Variants in HIC1 observed in about 807,000 individuals in gnomAD.
HIC1 encodes HIC ZBTB transcriptional repressor 1.
In HIC1, 9 loss-of-function variants were observed where a neutral mutation model predicts 26.4. That is an observed-to-expected ratio of 0.34 (90% confidence interval 0.21 to 0.59). The LOEUF (loss-of-function observed/expected upper bound fraction) is 0.59. Among genes scored for constraint, HIC1 ranks in the 20% least tolerant of loss-of-function variants. The pLI, the probability that HIC1 is intolerant of heterozygous loss-of-function variation, is 0.82. For synonymous variants in HIC1, 631 were observed against 523.1 expected, an observed-to-expected ratio of 1.21 and a Z score of -2.81; for missense variants, 965 against 1,075.7, an observed-to-expected ratio of 0.90 and a Z score of 1.44.
intron 1 of HIC1, chr17:2,056,161 G>A: frequency 1.7e-6 from 1 of 592,126 alleles, no homozygotes; most frequent in Non-Finnish European, 3.0e-6. Context: ...ACCGAGGGTT[G>A]ACAGCCCCCG....
rs1022129619 is a variant in HIC1 at position 2,061,345 on chromosome 17, G to A, written c.*2510G>A. On this transcript the variant is annotated 3_prime_UTR_variant, in exon 2 of 2. Transcript: ENST00000619757. The stretch of plus-strand genomic sequence containing the variant: ...CTCTGTGAGGAGCAGGTCCCCCACA[G>A]CATGGCCGTGGCGTGGGTTGGAAGA... The A allele has an allele frequency of 1.3e-6, 1 of 785,696 alleles. No individual in the cohort carries two copies. The highest frequency in any genetic ancestry group is 2.0e-6 in the Non-Finnish European group (1 of 502,792). The allele number at this position is 785,696 out of a possible 1,614,324, so 48.7% of individuals were successfully genotyped here. A position where few individuals can be genotyped will look rare whatever the true frequency, so the allele number is the denominator to read the frequency against.
At position 2,057,003 on chromosome 17, in the gene HIC1, C is replaced by T. The variant is rs1210076297; in HGVS notation, c.313C>T (p.Pro105Ser). The change falls in exon 2 of 2, where the codon CCG (proline) becomes TCG (serine). Residue 105 changes from proline to serine, a missense_variant. By Grantham distance (74) the Pro-to-Ser change is moderately conservative. Around this residue, in one of 6 missense-constraint regions of HIC1, gnomAD observed 526 missense variants for 525.0 expected, o/e 1.00. Coordinates refer to ENST00000619757, the MANE Select transcript of HIC1 (RefSeq NM_006497.4). ...AAAAVAPGAE[P>S]SLGAVLAAAS... ...CGCGGCCGTGGCCCCGGGGGCTGAG[C>T]CGAGCCTGGGCGCCGTGCTGGCCGC... 2 of 1,522,370 alleles carry T rather than the reference C, an allele frequency of 1.3e-6. No individual in the cohort carries two copies. Among genetic ancestry groups the T allele is most frequent in the African/African-American group, 2.9e-5 (2 of 69,232 alleles). The allele number at this position is 1,522,370 out of a possible 1,614,324, so 94.3% of individuals were successfully genotyped here.
intron 1 of HIC1, 50 bp from the exon 2 acceptor site, chr17:2,056,621 G>A: frequency 3.4e-6 from 5 of 1,470,620 alleles, no homozygotes; most frequent in East Asian, 5.0e-5. Context: ...CTGGGGCCAG[G>A]CGGCCAGGGC....
Position 2,058,869 on chromosome 17 carries a change from C to T in HIC1, c.*34C>T. 7.1e-7 allele frequency: 1 copy of T among 1,405,874 alleles called. No individual in the cohort carries two copies. 87.1% of individuals were successfully genotyped at this position (1,405,874 alleles called of 1,614,324 possible). ...TCGCCAGCCCGCTCTGTCGCTGCTG[C>T]GCGGCCCTGGCCCGCACCCCAGGGA... On this transcript the variant is annotated 3_prime_UTR_variant, in exon 2 of 2. Coordinates refer to ENST00000619757, the MANE Select transcript of HIC1 (RefSeq NM_006497.4).
At position 2,061,095 on chromosome 17, in the gene HIC1, G is replaced by A. The variant is rs544319778; in HGVS notation, c.*2260G>A. The A allele has an allele frequency of 6.7e-4, 117 of 175,640 alleles. 1 individual carries two copies. Among genetic ancestry groups the A allele is most frequent in the South Asian group, 3.3e-3 (27 of 8,162 alleles). The allele number at this position is 175,640 out of a possible 1,614,324, so 10.9% of individuals were successfully genotyped here. A position where few individuals can be genotyped will look rare whatever the true frequency, so the allele number is the denominator to read the frequency against. On this transcript the variant is annotated 3_prime_UTR_variant, in exon 2 of 2. Coordinates refer to ENST00000619757, the MANE Select transcript of HIC1 (RefSeq NM_006497.4). The stretch of plus-strand genomic sequence containing the variant: ...GAACTGTGATTTCACTGCATCTGAC[G>A]GAAACTCAGAACCCCTGCCCTGTCT...
chr17:2,059,558 T>TGGG lies in HIC1; in HGVS notation c.*724_*726dup, dbSNP rs2067716393. Reference sequence around the variant, plus strand: ...CCCCCATCCCGAGCCCAGGCTGGGCTGGGCTGGAACGCGGTCTCTTTAGCT... The same window carrying TGGG: ...CCCCCATCCCGAGCCCAGGCTGGGCTGGGGGGCTGGAACGCGGTCTCTTTAGCT... On this transcript the variant is annotated 3_prime_UTR_variant, in exon 2 of 2. Coordinates refer to ENST00000619757, the MANE Select transcript of HIC1 (RefSeq NM_006497.4). 6.0e-6 allele frequency: 1 copy of TGGG among 167,118 alleles called. No homozygotes were observed. Among genetic ancestry groups the TGGG allele is most frequent in the African/African-American group, 2.4e-5 (1 of 41,474 alleles). The allele number at this position is 167,118 out of a possible 1,614,324, so 10.4% of individuals were successfully genotyped here.
intron 1 of HIC1, chr17:2,056,331 A>G (rs755570032): frequency 1.2e-6 from 2 of 1,613,540 alleles, no homozygotes; most frequent in Admixed American, 1.7e-5. Context: ...TGAAGCGGAC[A>G]TTTTACTTAA....
intron 1 of HIC1, chr17:2,056,118 T>C: frequency 3.4e-6 from 1 of 294,226 alleles, no homozygotes; most frequent in Non-Finnish European, 6.2e-6. Context: ...AGCCGCTGCC[T>C]CCGCTCCCCG....
At position 2,057,845 on chromosome 17, in the gene HIC1, TAGC is replaced by T; in HGVS notation, c.1159_1161del (p.Ser387del). 8.2e-6 allele frequency: 13 copies of T among 1,583,804 alleles called. No homozygotes were observed. The highest frequency in any genetic ancestry group is 1.7e-4 in the Middle Eastern group (1 of 6,014). On this transcript the variant is annotated inframe_deletion, in exon 2 of 2. Transcript: ENST00000619757. ...ACAAGAGCAGCAGCGAGGAGACCGG[TAGC>T]AGCGAGGACCCCAGCCCGCCTGGCG...
At position 2,060,432 on chromosome 17, in the gene HIC1, T is replaced by A. The variant is rs2067739905; in HGVS notation, c.*1597T>A. ...GCTGGGCTGTCCACGCCTGGAAGTTTCTCCCAGCACAGGAGCCGAGGGTGG... is the reference window on the plus strand; with the variant it reads ...GCTGGGCTGTCCACGCCTGGAAGTTACTCCCAGCACAGGAGCCGAGGGTGG... On this transcript the variant is annotated 3_prime_UTR_variant, in exon 2 of 2. Transcript: ENST00000619757. 1 of 152,184 alleles carries A rather than the reference T, an allele frequency of 6.6e-6. No homozygotes were observed. 9.4% of individuals were successfully genotyped at this position (152,184 alleles called of 1,614,324 possible).
chr17:2,057,734 C>T lies in HIC1; in HGVS notation c.1044C>T (p.Pro348=), dbSNP rs2067686665. 2 of 1,397,768 alleles carry T rather than the reference C, an allele frequency of 1.4e-6. No homozygotes were observed. The highest frequency in any genetic ancestry group is 3.1e-5 in the East Asian group (1 of 32,110). 86.6% of individuals were successfully genotyped at this position (1,397,768 alleles called of 1,614,324 possible). ...EERGGDAAVS[P]GGPPLGLAPP... is the part of the protein sequence containing the mutation. Reference sequence around the variant, plus strand: ...GTGGTGGGGACGCGGCCGTCTCGCCCGGGGGGCCCCCGCTCGGCCTGGCGC... The same window carrying T: ...GTGGTGGGGACGCGGCCGTCTCGCCTGGGGGGCCCCCGCTCGGCCTGGCGC... Residue 348 remains proline, a synonymous_variant, in exon 2 of 2, where the codon CCC becomes CCT. Transcript: ENST00000619757.
chr17:2,061,592 A>G lies in HIC1; in HGVS notation c.*2757A>G. ...CAGGTTCCGGTCATCCGTCAACAGC[A>G]CCACCTCCCGCAGTAGCCGGATTGG... is the stretch of plus-strand genomic sequence containing the variant. On this transcript the variant is annotated 3_prime_UTR_variant, in exon 2 of 2. Transcript: ENST00000619757. The G allele has an allele frequency of 6.4e-7, 1 of 1,572,566 alleles. No homozygotes were observed. The highest frequency in any genetic ancestry group is 8.6e-7 in the Non-Finnish European group (1 of 1,158,720).
Position 2,057,592 on chromosome 17 carries a change from G to A in HIC1, c.902G>A (p.Gly301Asp). The change falls in exon 2 of 2, where the codon GGC becomes GAC. Residue 301 changes from glycine to aspartate, a missense_variant. Coordinates refer to ENST00000619757, the MANE Select transcript of HIC1 (RefSeq NM_006497.4). ...GGCAGCCCGGGACCCGAGCCCCCCGGCCGCCCCGACGGGCCTAGTCTCCTC... is the reference window on the plus strand; with the variant it reads ...GGCAGCCCGGGACCCGAGCCCCCCGACCGCCCCGACGGGCCTAGTCTCCTC... ...GSGSPGPEPP[G>D]RPDGPSLLYR... is the part of the protein sequence containing the mutation. 1.3e-6 allele frequency: 2 copies of A among 1,505,216 alleles called. No individual in the cohort carries two copies. The highest frequency in any genetic ancestry group is 1.8e-6 in the Non-Finnish European group (2 of 1,132,596). 93.2% of individuals were successfully genotyped at this position (1,505,216 alleles called of 1,614,324 possible).
chr17:2,061,666 G>A lies in HIC1; in HGVS notation c.*2831G>A, dbSNP rs189489015. 1.9e-6 allele frequency: 3 copies of A among 1,548,634 alleles called. No individual in the cohort carries two copies. Among genetic ancestry groups the A allele is most frequent in the Non-Finnish European group, 1.7e-6 (2 of 1,145,370 alleles). ...AGAAGGCTGTCACTGAGGACAGGAGGCAGAGGGCTGGCTGCTCTTCTCACC... is the reference window on the plus strand; with the variant it reads ...AGAAGGCTGTCACTGAGGACAGGAGACAGAGGGCTGGCTGCTCTTCTCACC... On this transcript the variant is annotated 3_prime_UTR_variant, in exon 2 of 2. Transcript: ENST00000619757.
In HIC1 at chr17:2,057,181, CG is replaced by C; in HGVS notation, c.493del (p.Val165SerfsTer149). On this transcript the variant is annotated frameshift_variant, in exon 2 of 2. Coordinates refer to ENST00000619757, the MANE Select transcript of HIC1 (RefSeq NM_006497.4). LOFTEE classifies it low-confidence loss of function (END_TRUNC). ...GGCCGGGGCCTGCGGGCCGCCACGC[CG>C]GTCATCCAGGCCTGCTACCCGTCCC... ...RPGRGLRAAT[P>X]VIQACYPSPV... The C allele has an allele frequency of 7.5e-7, 1 of 1,340,704 alleles. No individual in the cohort carries two copies. Among genetic ancestry groups the C allele is most frequent in the Non-Finnish European group, 9.5e-7 (1 of 1,051,252 alleles). The allele number at this position is 1,340,704 out of a possible 1,614,324, so 83.1% of individuals were successfully genotyped here. A position where few individuals can be genotyped will look rare whatever the true frequency, so the allele number is the denominator to read the frequency against.
rs573738163 is a variant in HIC1 at position 2,060,321 on chromosome 17, C to T, written c.*1486C>T. 1.3e-5 allele frequency: 2 copies of T among 152,394 alleles called. No individual in the cohort carries two copies. Among genetic ancestry groups the T allele is most frequent in the East Asian group, 3.9e-4 (2 of 5,194 alleles). The allele number at this position is 152,394 out of a possible 1,614,324, so 9.4% of individuals were successfully genotyped here. A position where few individuals can be genotyped will look rare whatever the true frequency, so the allele number is the denominator to read the frequency against. ...AGCTAAAGGGGCAAGGAAAGGGCCC[C>T]TGTGTCAGTGTCAGTTTTTCCGGGG... On this transcript the variant is annotated 3_prime_UTR_variant, in exon 2 of 2. Transcript: ENST00000619757.
chr17:2,058,712 G>A lies in HIC1; in HGVS notation c.2022G>A (p.Pro674=). The A allele has an allele frequency of 1.9e-6, 3 of 1,538,460 alleles. No homozygotes were observed. Among genetic ancestry groups the A allele is most frequent in the Non-Finnish European group, 1.7e-6 (2 of 1,146,686 alleles). The change falls in exon 2 of 2, where the codon CCG becomes CCA. Residue 674 remains proline (P), a synonymous_variant. Coordinates refer to ENST00000619757, the MANE Select transcript of HIC1 (RefSeq NM_006497.4). ...AGGTGGCGCTGGAGAGCCTCTACCC[G>A]CTGGCCAAGTTCACGGCCGAGCTGG... The part of the protein sequence containing the change: ...DPKVALESLY[P]LAKFTAELGL...
chr17:2,057,644 C>T lies in HIC1; in HGVS notation c.954C>T (p.Gly318=). The part of the protein sequence containing the change: ...LLYRWMKHEP[G]LGSYGDELGR... ...ATCGCTGGATGAAGCACGAGCCGGG[C>T]CTGGGTAGCTATGGCGACGAGCTGG... is the stretch of plus-strand genomic sequence containing the variant. The change falls in exon 2 of 2, where the codon GGC becomes GGT. Residue 318 remains glycine (G), a synonymous_variant. Coordinates refer to ENST00000619757, the MANE Select transcript of HIC1 (RefSeq NM_006497.4). 1 of 1,516,462 alleles carries T rather than the reference C, an allele frequency of 6.6e-7. No individual in the cohort carries two copies. The highest frequency in any genetic ancestry group is 1.2e-5 in the South Asian group (1 of 81,890). The allele number at this position is 1,516,462 out of a possible 1,614,324, so 93.9% of individuals were successfully genotyped here. A position where few individuals can be genotyped will look rare whatever the true frequency, so the allele number is the denominator to read the frequency against.
rs770834449 is a variant in HIC1, at chr17:2,057,056, C to T, written c.366C>T (p.Leu122=). Residue 122 remains leucine, a synonymous_variant, in exon 2 of 2, where the codon CTC becomes CTT. Coordinates refer to ENST00000619757, the MANE Select transcript of HIC1 (RefSeq NM_006497.4). Reference sequence around the variant, plus strand: ...CCAGCTACCTGCAGATCCCCGACCTCGTGGCGCTGTGCAAGAAACGCCTCA... The same window carrying T: ...CCAGCTACCTGCAGATCCCCGACCTTGTGGCGCTGTGCAAGAAACGCCTCA... ...AAASYLQIPD[L]VALCKKRLKR... 6 of 1,475,148 alleles carry T rather than the reference C, an allele frequency of 4.1e-6. No homozygotes were observed. The African/African-American group carries it at 4.5e-5, about 11-fold the overall frequency. 91.4% of individuals were successfully genotyped at this position (1,475,148 alleles called of 1,614,324 possible). A position where few individuals can be genotyped will look rare whatever the true frequency, so the allele number is the denominator to read the frequency against.
Sources: gnomAD v4.1 joint callset for allele counts on GRCh38, gnomAD v4.1.1 for gene constraint, gnomAD v4.1.1 regional missense constraint, MANE v1.5 for transcripts, NCBI Gene and HGNC (gene_info 2026-07-23, HGNC 2026-07-21) for gene names.